The following SAMD11 variants were observed in gnomAD, a reference collection of about 807,000 sequenced individuals.
SAMD11 encodes the protein sterile alpha motif domain containing 11.
In SAMD11, 77 loss-of-function variants were observed where a neutral mutation model predicts 64.4. The ratio of observed to expected loss-of-function variants is 1.20; its 90% CI spans 0.99 to 1.44. SAMD11 has a LOEUF of 1.44. Among genes scored for constraint, SAMD11 ranks in the 40% most tolerant of loss-of-function variants. The probability of loss-of-function intolerance (pLI) is 0.00; values close to 1 mark genes in which losing one functional copy is unlikely to be tolerated. For missense variants in SAMD11, 1,402 were observed against 943.3 expected, an observed-to-expected ratio of 1.49 and a Z score of -6.37; for synonymous variants, 658 against 421.9, an observed-to-expected ratio of 1.56 and a Z score of -6.86.
rs777021843 is a variant in SAMD11, at chr1:931,028, C to T, written c.792-11C>T. ...CAGAGCAACATGGACCTTCTGCTTC[C>T]CTTCCTGCAGAGTCCACACCCACTG... is the stretch of plus-strand genomic sequence containing the variant. On this transcript the variant is annotated splice_polypyrimidine_tract_variant and intron_variant, in intron 3 of 13. Coordinates refer to ENST00000616016, the MANE Select transcript of SAMD11 (RefSeq NM_001385641.1). 3 of 1,611,938 alleles carry T rather than the reference C, an allele frequency of 1.9e-6. No individual in the cohort carries two copies. Among genetic ancestry groups the T allele is most frequent in the Non-Finnish European group, 2.5e-6 (3 of 1,178,844 alleles).
intron 3 of SAMD11, 132 bp from the exon 4 acceptor site, chr1:930,907 C>G: frequency 1.2e-6 from 1 of 853,972 alleles, no homozygotes; most frequent in Non-Finnish European, 1.9e-6. Context: ...ATGGCAGCCG[C>G]CCTCGTTCAC....
chr1:943,362 T>C lies in SAMD11; in HGVS notation c.2163T>C (p.Cys721=), dbSNP rs748859894. The change falls in exon 12 of 14, where the codon TGT becomes TGC. Residue 721 remains cysteine, a synonymous_variant. Transcript: ENST00000616016. ...VCSFVGGLSG[C]GEYTRVFREQ... is the part of the protein sequence containing the mutation. Reference sequence around the variant, plus strand: ...GCTTCGTGGGGGGCCTGTCTGGCTGTGGAGAGTACACTCGGGTAAGGGGGG... The same window carrying C: ...GCTTCGTGGGGGGCCTGTCTGGCTGCGGAGAGTACACTCGGGTAAGGGGGG... 1.3e-6 allele frequency: 2 copies of C among 1,573,330 alleles called. No individual in the cohort carries two copies. Among genetic ancestry groups the C allele is most frequent in the Non-Finnish European group, 1.7e-6 (2 of 1,158,104 alleles).
Position 931,053 on chromosome 1 carries a change from G to A in SAMD11, c.806G>A (p.Trp269Ter). Residue 269 changes from tryptophan (W) to a stop codon, truncating the protein, a stop_gained, in exon 4 of 14, where the codon TGG becomes TAG. Coordinates refer to ENST00000616016, the MANE Select transcript of SAMD11 (RefSeq NM_001385641.1). LOFTEE classifies it high-confidence loss of function. ...RIMKRRVHTH[W>*]DVNISFREAS... is the part of the protein sequence containing the mutation. ...CCTTCCTGCAGAGTCCACACCCACT[G>A]GGACGTGAACATCTCTTTCCGAGAG... 1.9e-6 allele frequency: 3 copies of A among 1,612,956 alleles called. No individual in the cohort carries two copies. The highest frequency in any genetic ancestry group is 2.5e-6 in the Non-Finnish European group (3 of 1,179,704).
chr1:926,818 G>A (rs2100292584), intron 2 of SAMD11, among the ~76,000 whole-genome samples: 1 of 152,298 alleles, frequency 6.6e-6, no homozygotes, highest in East Asian at 1.9e-4. Context: ...TAGGGCCATG[G>A]CTGCTGGGGG....
In SAMD11 at chr1:942,259, G is replaced by A. The variant is rs778656530; in HGVS notation, c.1474+8G>A. ...CTCTGTGCCAGACCCCAGGTGAGGA[G>A]GCGGGTGCGCATCCCCTGGGAGCCC... is the stretch of plus-strand genomic sequence containing the variant. On this transcript the variant is annotated splice_region_variant and intron_variant, in intron 9 of 13. Transcript: ENST00000616016. 3 of 1,173,596 alleles carry A rather than the reference G, an allele frequency of 2.6e-6. No homozygotes were observed. The highest frequency in any genetic ancestry group is 6.1e-5 in the East Asian group (2 of 32,638). The allele number at this position is 1,173,596 out of a possible 1,614,324, so 72.7% of individuals were successfully genotyped here. A position where few individuals can be genotyped will look rare whatever the true frequency, so the allele number is the denominator to read the frequency against.
chr1:935,819 G>C lies in SAMD11; in HGVS notation c.890G>C (p.Arg297Pro). The change falls in exon 5 of 14, where the codon CGC becomes CCC. Residue 297 changes from arginine to proline, a missense_variant. Coordinates refer to ENST00000616016, the MANE Select transcript of SAMD11 (RefSeq NM_001385641.1). ...CTCATATCCAGCGTCCACCGCAGCC[G>C]CCACCTCGTTATGCCCGAGCATCAG... ...PTLISSVHRS[R>P]HLVMPEHQSR... 1 of 1,613,428 alleles carries C rather than the reference G, an allele frequency of 6.2e-7. No homozygotes were observed. Among genetic ancestry groups the C allele is most frequent in the Non-Finnish European group, 8.5e-7 (1 of 1,179,880 alleles).
chr1:936,091 C>T (rs939905749), intron 5 of SAMD11, among the ~76,000 whole-genome samples, 195 bp downstream of exon 5: 1 of 152,216 alleles, frequency 6.6e-6, no homozygotes, highest in African/African-American at 2.4e-5. Context: ...GGCGGTGGCT[C>T]CGCTGTGGCT....
chr1:938,697 C>T (rs1411537293), intron 5 of SAMD11, among the ~76,000 whole-genome samples: 1 of 152,182 alleles, frequency 6.6e-6, no homozygotes, highest in Admixed American at 6.5e-5. Context: ...CCTGGTCAAA[C>T]CAAAAGCTTT....
chr1:927,563 G>A (rs1640954091), intron 2 of SAMD11, among the ~76,000 whole-genome samples: 1 of 152,138 alleles, frequency 6.6e-6, no homozygotes, highest in Admixed American at 6.5e-5. Context: ...CAACTCCAGG[G>A]GCCCCTTCTT....
rs1465386654 is a variant in SAMD11 at position 941,248 on chromosome 1, G to A, written c.1300G>A (p.Gly434Ser). The A allele has an allele frequency of 6.2e-7, 1 of 1,602,652 alleles. No homozygotes were observed. Among genetic ancestry groups the A allele is most frequent in the Non-Finnish European group, 8.5e-7 (1 of 1,175,484 alleles). Residue 434 changes from glycine (G) to serine (S), a missense_variant, in exon 8 of 14, where the codon GGC (glycine) becomes AGC (serine). Physicochemically the swap from Gly to Ser is moderately conservative, Grantham distance 56 (BLOSUM62 0). Coordinates refer to ENST00000616016, the MANE Select transcript of SAMD11 (RefSeq NM_001385641.1). Reference protein sequence around the residue: ...SSTAGQRRKQGLAQHREGAAP... With the variant: ...SSTAGQRRKQSLAQHREGAAP... ...CACGGCAGGTCAGCGTCGGAAGCAG[G>A]GCCTGGCTCAGCACCGGGAGGGCGC...
chr1:933,045 C>T (rs1437030873), intron 4 of SAMD11, among the ~76,000 whole-genome samples: 1 of 152,208 alleles, frequency 6.6e-6, no homozygotes, highest in African/African-American at 2.4e-5. Context: ...GCGCCTCCTG[C>T]CCCAGCCCTG....
intron 7 of SAMD11, 184 bp downstream of exon 7, chr1:939,596 GC>G: frequency 9.3e-7 from 1 of 1,079,258 alleles, no homozygotes; most frequent in Non-Finnish European, 1.3e-6. Context: ...CCTGCCCCAT[GC>G]CCCCTGGGGC....
At position 944,161 on chromosome 1, in the gene SAMD11, G is replaced by C; in HGVS notation, c.*8G>C. On this transcript the variant is annotated 3_prime_UTR_variant, in exon 14 of 14. Transcript: ENST00000616016. ...TCCCAGCCTCTGTGTTGAGGTTGCC[G>C]GGGGTAGGGGTGGGGCCACACAAAT... The C allele has an allele frequency of 6.5e-7, 1 of 1,535,214 alleles. No individual in the cohort carries two copies. Among genetic ancestry groups the C allele is most frequent in the Non-Finnish European group, 8.8e-7 (1 of 1,140,038 alleles).
intron 2 of SAMD11, among the ~76,000 whole-genome samples, chr1:927,196 C>T (rs2100294170): frequency 6.6e-6 from 1 of 152,326 alleles, no homozygotes; most frequent in East Asian, 1.9e-4. Flanking sequence ...AGCCGGCAGC[C>T]CCCTGTCTGC....
At chr1:943,667 G>C in intron 12 of SAMD11, 31 bp from the exon 13 acceptor site, 6 of 1,515,128 alleles carry the variant, frequency 4.0e-6, no homozygotes, top group Non-Finnish European at 5.3e-6. Flanking sequence ...GCAGCACCCG[G>C]GTCCTGACCC....
At chr1:936,273 CGGTCCCGCCTCCT>C (rs1641440484) in intron 5 of SAMD11, among the ~76,000 whole-genome samples, 2 of 135,654 alleles carry the variant, frequency 1.5e-5, no homozygotes, top group Non-Finnish European at 3.1e-5. Context: ...AAGGGGTCCC[CGGTCCCGCCTCCT>C]AGGGCTCCTG....
At chr1:943,606 C>T in intron 12 of SAMD11, 92 bp from the exon 13 acceptor site, 2 of 1,329,862 alleles carry the variant, frequency 1.5e-6, no homozygotes, top group Non-Finnish European at 2.0e-6. Context: ...TAAAAAATTT[C>T]CGTGAGCTGC....
At chr1:940,374 G>GGCCCCGC (rs1214948704) in intron 7 of SAMD11, 2 of 151,528 alleles carry the variant, frequency 1.3e-5, no homozygotes, top group Admixed American at 6.6e-5. Flanking sequence ...GGGGGCGCTG[G>GGCCCCGC]GCCCCGCTGG....
rs1157485345 is a variant in SAMD11 at position 930,218 on chromosome 1, G to C, written c.673G>C (p.Glu225Gln). 1 of 1,585,266 alleles carries C rather than the reference G, an allele frequency of 6.3e-7. No individual in the cohort carries two copies. Among genetic ancestry groups the C allele is most frequent in the Non-Finnish European group, 8.6e-7 (1 of 1,166,130 alleles). The part of the protein sequence containing the change: ...ALPAARNLKK[E>Q]RTPSFSASDG... ...GCCTGCCGCCCGGAACCTGAAGAAG[G>C]AGCGAACTCCCAGCTTCTCTGCCAG... The change falls in exon 3 of 14, where the codon GAG (glutamate) becomes CAG (glutamine). Residue 225 changes from glutamate to glutamine, a missense_variant. Physicochemically the swap from Glu to Gln is conservative, Grantham distance 29. Coordinates refer to ENST00000616016, the MANE Select transcript of SAMD11 (RefSeq NM_001385641.1).
Sources: gnomAD v4.1 joint callset for allele counts (sites outside exome capture counted in the v4.1 genomes callset) on GRCh38, gnomAD v4.1.1 for gene constraint, MANE v1.5 for transcripts, NCBI Gene and HGNC (gene_info 2026-07-23, HGNC 2026-07-21) for gene names.